The following ROCK1 variants were observed in gnomAD, a reference collection of about 807,000 sequenced individuals.
ROCK1 encodes Rho associated coiled-coil containing protein kinase 1, also known as rho-associated protein kinase 1.
ROCK1 carries 36 observed loss-of-function variants against 196.8 expected under a neutral mutation model. That is an observed-to-expected ratio of 0.18 (90% CI 0.14 to 0.24). The LOEUF is 0.24. ROCK1 is among the 10% of genes least tolerant of loss of function. The pLI, the probability that ROCK1 is intolerant of heterozygous loss-of-function variation, is 1.00. For missense variants in ROCK1, 920 were observed against 1,562.0 expected, an observed-to-expected ratio of 0.59 and a Z score of 6.93; for synonymous variants, 443 against 515.9, an observed-to-expected ratio of 0.86 and a Z score of 1.91.
At chr18:21,012,849 T>C (rs1039380480) in intron 13 of ROCK1, among the ~76,000 whole-genome samples, 2 of 152,192 alleles carry the variant, frequency 1.3e-5, no homozygotes, top group Admixed American at 6.5e-5. Flanking sequence ...TTGTTCAGAC[T>C]GCATAATTTC....
chr18:21,002,398 T>C (rs1598523935), intron 16 of ROCK1, among the ~76,000 whole-genome samples: 1 of 152,194 alleles, frequency 6.6e-6, no homozygotes, highest in African/African-American at 2.4e-5. Flanking sequence ...GGCTAACATA[T>C]ATTAAATATA....
chr18:20,964,343 T>C (rs1191435635), intron 27 of ROCK1, among the ~76,000 whole-genome samples: 1 of 152,168 alleles, frequency 6.6e-6, no homozygotes, highest in African/African-American at 2.4e-5. Flanking sequence ...AGAATGAATA[T>C]CAACATTCTT....
At chr18:20,984,884 C>T (rs2035564409) in intron 19 of ROCK1, among the ~76,000 whole-genome samples, 1 of 152,038 alleles carries the variant, frequency 6.6e-6, no homozygotes, top group Admixed American at 6.6e-5. Context: ...GAGGCTGAGG[C>T]AGGTGGATTG....
chr18:21,110,327 G>C (rs2036739416), intron 1 of ROCK1, among the ~76,000 whole-genome samples: 1 of 152,002 alleles, frequency 6.6e-6, no homozygotes, highest in Non-Finnish European at 1.5e-5. Flanking sequence ...TGAAATTTTG[G>C]CTCAAAAATC....
At chr18:21,051,669 T>G (rs1181744112) in intron 2 of ROCK1, among the ~76,000 whole-genome samples, 11 of 152,098 alleles carry the variant, frequency 7.2e-5, no homozygotes, top group Non-Finnish European at 1.5e-4. Flanking sequence ...CCGAAAACCG[T>G]TTTCACATTA....
intron 22 of ROCK1, among the ~76,000 whole-genome samples, chr18:20,976,705 T>C (rs1271239130): frequency 1.3e-5 from 2 of 152,210 alleles, no homozygotes; most frequent in East Asian, 3.8e-4. Context: ...GCAAAGACTA[T>C]CAAATCAGCT....
intron 2 of ROCK1, among the ~76,000 whole-genome samples, chr18:21,067,678 T>A (rs892566136): frequency 6.6e-6 from 1 of 152,198 alleles, no homozygotes; most frequent in African/African-American, 2.4e-5. Flanking sequence ...TGAGCCACCA[T>A]GCCTGGCCTT....
chr18:21,068,117 TTG>T (rs1367670598), intron 2 of ROCK1, among the ~76,000 whole-genome samples: 3 of 152,238 alleles, frequency 2.0e-5, no homozygotes, highest in Non-Finnish European at 4.4e-5. Context: ...TTTGTGTTAT[TTG>T]TGTCCTATCT....
At chr18:21,093,272 T>C (rs1019361575) in intron 1 of ROCK1, among the ~76,000 whole-genome samples, 1 of 152,182 alleles carries the variant, frequency 6.6e-6, no homozygotes, top group Non-Finnish European at 1.5e-5. Flanking sequence ...GAAGCCGATC[T>C]GGAAAACCAG....
At chr18:21,061,414 A>T (rs1225060876) in intron 2 of ROCK1, among the ~76,000 whole-genome samples, 1 of 152,192 alleles carries the variant, frequency 6.6e-6, no homozygotes. Flanking sequence ...AAAAAGACAG[A>T]ATCAAAAGGC....
chr18:20,972,502 G>A (rs1010399079), intron 22 of ROCK1, among the ~76,000 whole-genome samples: 5 of 152,172 alleles, frequency 3.3e-5, no homozygotes, highest in Non-Finnish European at 7.3e-5. Context: ...CAAGTAGGGA[G>A]TAATCCCTTG....
intron 1 of ROCK1, among the ~76,000 whole-genome samples, chr18:21,079,785 A>C (rs954021945): frequency 6.6e-6 from 1 of 152,212 alleles, no homozygotes; most frequent in East Asian, 1.9e-4. Context: ...AGAGCAAAGA[A>C]AGCCTGTACA....
Position 20,967,814 on chromosome 18 carries a change from C to T in ROCK1, c.3130G>A (p.Glu1044Lys). Residue 1044 changes from glutamate to lysine, a missense_variant, in exon 26 of 33, where the codon GAA becomes AAA. Transcript: ENST00000399799. The stretch of plus-strand genomic sequence containing the variant: ...ACCATCTGGTTGAATTTCTCTCTTT[C>T]TTGGTTGAGTTCCAGTTGCAGCTTT... ...NRKLQLELNQ[E>K]REKFNQMVVK... 1 of 1,609,826 alleles carries T rather than the reference C, an allele frequency of 6.2e-7. No individual in the cohort carries two copies.
intron 5 of ROCK1, among the ~76,000 whole-genome samples, chr18:21,044,631 A>G (rs574870443): frequency 3.2e-4 from 49 of 152,346 alleles, no homozygotes; most frequent in African/African-American, 1.2e-3. Flanking sequence ...TATTCGTCTA[A>G]TGAATAAATA....
intron 10 of ROCK1, among the ~76,000 whole-genome samples, chr18:21,024,326 CT>C (rs112755709): frequency 0.16 from 23,608 of 152,028 alleles, 3,664 homozygotes; most frequent in African/African-American, 0.39. Flanking sequence ...TATTAGTGAA[CT>C]AATTTAGAGG....
intron 4 of ROCK1, among the ~76,000 whole-genome samples, chr18:21,047,793 G>T (rs558506020): frequency 2.0e-5 from 3 of 146,946 alleles, no homozygotes; most frequent in African/African-American, 7.6e-5. Context: ...GCGAGACTCC[G>T]TCTCAAAAAA....
At chr18:21,015,909 G>A (rs571964225) in intron 12 of ROCK1, among the ~76,000 whole-genome samples, 2 of 152,014 alleles carry the variant, frequency 1.3e-5, no homozygotes, top group African/African-American at 4.8e-5. Flanking sequence ...GAACCTGGGA[G>A]GTGGAGGTTG....
chr18:21,078,371 CACAGAGAGAG>C (rs1186461345), intron 1 of ROCK1, among the ~76,000 whole-genome samples: 5 of 144,012 alleles, frequency 3.5e-5, no homozygotes, highest in Admixed American at 7.0e-5. Flanking sequence ...CACACACACA[CACAGAGAGAG>C]AGAGAGAGAG....
chr18:20,969,416 A>G (rs1274839856), intron 23 of ROCK1: 7 of 427,284 alleles, frequency 1.6e-5, no homozygotes, highest in Non-Finnish European at 2.9e-5. Context: ...TTGTATGCAT[A>G]TAGATATATG....
Sources: allele counts gnomAD v4.1 joint callset (sites outside exome capture counted in the v4.1 genomes callset), GRCh38; gene constraint gnomAD v4.1.1; transcripts MANE v1.5; gene names NCBI Gene and HGNC (gene_info 2026-07-23, HGNC 2026-07-21).